The following ATP11A variants were observed in gnomAD, a reference collection of about 807,000 sequenced individuals.
ATP11A encodes phospholipid-transporting ATPase IH.
A neutral mutation model predicts 154.4 loss-of-function variants in ATP11A; 81 were observed. The observed-to-expected ratio is 0.52, with a 90% CI of 0.44 to 0.63. The LOEUF is 0.63. ATP11A is among the 30% of genes least tolerant of loss of function. The pLI is 0.00. For synonymous variants in ATP11A, 623 were observed against 585.9 expected (o/e 1.06, Z -0.91); for missense variants, 1,316 against 1,474.3 (o/e 0.89, Z 1.76).
intron 1 of ATP11A, chr13:112,703,272 C>T (rs546424639): frequency 6.6e-6 from 1 of 152,362 alleles, no homozygotes; most frequent in African/African-American, 2.4e-5. Context: ...AGAGAACTCT[C>T]TCTCTTCCTC....
intron 1 of ATP11A, among the ~76,000 whole-genome samples, chr13:112,707,511 G>A (rs1025727308): frequency 1.3e-5 from 2 of 151,696 alleles, no homozygotes; most frequent in African/African-American, 2.4e-5. Flanking sequence ...AGTTGACAAC[G>A]ACCAACTGAG....
rs369239536 is a variant in ATP11A, at chr13:112,816,220, C to T, written c.570+9C>T. On this transcript the variant is annotated intron_variant, in intron 6 of 29. Transcript: ENST00000375645. ...GAGAATCCAGCCATAAAGTAAGGGG[C>T]CTTTTCATTAGACTCCAGGGCAGGA... The T allele has an allele frequency of 7.7e-5, 125 of 1,614,040 alleles. No homozygotes were observed. The African/African-American group carries it at 1.3e-3, about 17-fold the overall frequency.
At chr13:112,751,222 T>C (rs1396597146) in intron 1 of ATP11A, among the ~76,000 whole-genome samples, 4 of 152,226 alleles carry the variant, frequency 2.6e-5, no homozygotes, top group Admixed American at 6.5e-5. Flanking sequence ...TCGAAAGGCA[T>C]GTGTCTTGGT....
intron 9 of ATP11A, among the ~76,000 whole-genome samples, chr13:112,824,111 T>A (rs1474340834): frequency 6.6e-6 from 1 of 152,202 alleles, no homozygotes; most frequent in Non-Finnish European, 1.5e-5. Context: ...CCAGTGTATA[T>A]TAAGATATGA....
rs2080074742 is a variant in ATP11A, at chr13:112,860,671, T to A, written c.2855+257T>A. The A allele has an allele frequency of 1.3e-5, 5 of 380,162 alleles. No individual in the cohort carries two copies. The East Asian group carries it at 2.2e-4, about 17-fold the overall frequency. 23.5% of individuals were successfully genotyped at this position (380,162 alleles called of 1,614,324 possible). A position where few individuals can be genotyped will look rare whatever the true frequency, so the allele number is the denominator to read the frequency against. ...GAGCCAGTTTGCACTTTCCTGTGCT[T>A]TCTGACAGTCCTGAGGGAGCTGGGG... On this transcript the variant is annotated intron_variant, in intron 24 of 29. Coordinates refer to ENST00000375645, the MANE Select transcript of ATP11A (RefSeq NM_015205.3).
chr13:112,799,297 C>G (rs1281763675), intron 2 of ATP11A, among the ~76,000 whole-genome samples: 2 of 152,184 alleles, frequency 1.3e-5, no homozygotes, highest in Non-Finnish European at 2.9e-5. Flanking sequence ...TCTAATGGAC[C>G]TTTATGTCTC....
intron 1 of ATP11A, among the ~76,000 whole-genome samples, chr13:112,739,587 G>A (rs1036230556): frequency 1.3e-5 from 2 of 152,234 alleles, no homozygotes. Flanking sequence ...AATATGAAGA[G>A]TTACCAATAT....
intron 29 of ATP11A, chr13:112,880,614 C>T (rs1350388239): frequency 2.3e-6 from 3 of 1,298,364 alleles, no homozygotes; most frequent in Non-Finnish European, 3.0e-6. Flanking sequence ...TGAAGGACCT[C>T]CTACGGCGGC....
chr13:112,740,422 C>A (rs944948837), intron 1 of ATP11A, among the ~76,000 whole-genome samples: 1 of 152,170 alleles, frequency 6.6e-6, no homozygotes, highest in African/African-American at 2.4e-5. Context: ...GATCCACCCA[C>A]CTCAGCCTCC....
chr13:112,834,530 C>A, intron 14 of ATP11A, 59 bp from the exon 15 acceptor site: 1 of 1,118,092 alleles, frequency 8.9e-7, no homozygotes, highest in South Asian at 1.3e-5. Flanking sequence ...AGCAAATACT[C>A]TATGAAAGAG....
intron 1 of ATP11A, among the ~76,000 whole-genome samples, chr13:112,722,691 A>G (rs151260696): frequency 3.9e-5 from 6 of 152,336 alleles, no homozygotes; most frequent in South Asian, 4.1e-4. Flanking sequence ...TTTGGTTTAC[A>G]TACGTAAAAT....
At chr13:112,769,488 C>G (rs546076734) in intron 1 of ATP11A, among the ~76,000 whole-genome samples, 14 of 152,378 alleles carry the variant, frequency 9.2e-5, no homozygotes, top group African/African-American at 3.1e-4. Context: ...AGAGCCAAAA[C>G]CAGGTTCTCT....
chr13:112,843,544 G>A (rs2079488458), intron 17 of ATP11A, among the ~76,000 whole-genome samples: 2 of 152,298 alleles, frequency 1.3e-5, no homozygotes, highest in Admixed American at 1.3e-4. Context: ...GGCCAGAGTG[G>A]CTACGCACTG....
At position 112,826,733 on chromosome 13, in the gene ATP11A, C is replaced by A. The variant is rs1410673151; in HGVS notation, c.1063C>A (p.Leu355Ile). ...CACGGACTTCCTGGCCTTCATGGTC[C>A]TCTTTAACTACATCATCCCTGTGTC... ...AFTDFLAFMVLFNYIIPVSMY... is the reference protein window; with the variant it reads ...AFTDFLAFMVIFNYIIPVSMY... Residue 355 changes from leucine (L) to isoleucine (I), a missense_variant, in exon 12 of 30, where the codon CTC becomes ATC. This residue lies in a region of ATP11A where 876 missense variants were observed against 1,006.8 expected (regional missense o/e 0.87). Transcript: ENST00000375645. 6.2e-7 allele frequency: 1 copy of A among 1,614,228 alleles called. No homozygotes were observed. The highest frequency in any genetic ancestry group is 1.7e-5 in the Admixed American group (1 of 60,028).
At chr13:112,837,366 A>T (rs111850818) in intron 16 of ATP11A, among the ~76,000 whole-genome samples, 1 of 152,018 alleles carries the variant, frequency 6.6e-6, no homozygotes, top group Admixed American at 6.5e-5. Context: ...CCTCTCCCGG[A>T]CCTCAGCCCC....
chr13:112,776,838 C>G (rs978169544), intron 1 of ATP11A, among the ~76,000 whole-genome samples: 1 of 152,168 alleles, frequency 6.6e-6, no homozygotes, highest in African/African-American at 2.4e-5. Flanking sequence ...CTCAGGTGAT[C>G]CACCCACCTT....
intron 16 of ATP11A, among the ~76,000 whole-genome samples, chr13:112,841,575 G>A (rs192282327): frequency 2.3e-4 from 35 of 149,604 alleles, no homozygotes; most frequent in Admixed American, 1.1e-3. Context: ...GAGCACCTGC[G>A]CCCAGGCACA....
chr13:112,873,775 T>C (rs1042811056), intron 27 of ATP11A, 99 bp downstream of exon 27: 16 of 1,195,314 alleles, frequency 1.3e-5, no homozygotes, highest in South Asian at 2.6e-5. Flanking sequence ...GCCCTGTTGG[T>C]TGGGGCAAGT....
intron 1 of ATP11A, among the ~76,000 whole-genome samples, chr13:112,756,911 T>C (rs1160023732): frequency 6.6e-6 from 1 of 152,222 alleles, no homozygotes; most frequent in East Asian, 1.9e-4. Context: ...GCGCGGGGCC[T>C]GCTCCTAACG....
Sources: allele counts gnomAD v4.1 joint callset (sites outside exome capture counted in the v4.1 genomes callset), GRCh38; gene constraint gnomAD v4.1.1; regional missense constraint gnomAD v4.1.1; transcripts MANE v1.5; gene names NCBI Gene and HGNC (gene_info 2026-07-23, HGNC 2026-07-21).